The following NRG3 variants were observed in gnomAD, a reference collection of about 807,000 sequenced individuals.
The protein encoded by NRG3 is pro-neuregulin-3, membrane-bound isoform.
In NRG3, 31 loss-of-function variants were observed where a neutral mutation model predicts 66.9. The observed-to-expected ratio is 0.46, with a 90% CI of 0.35 to 0.63. The LOEUF is 0.63. Ranked by LOEUF, NRG3 falls within the 20% of genes least tolerant of loss-of-function variation. NRG3 has a pLI of 0.00. For synonymous variants in NRG3, 393 were observed against 359.4 expected (o/e 1.09, Z -1.06); for missense variants, 910 against 878.9 (o/e 1.04, Z -0.45).
chr10:82,129,843 G>A (rs2068695398), intron 1 of NRG3, among the ~76,000 whole-genome samples: 1 of 152,108 alleles, frequency 6.6e-6, no homozygotes, highest in Non-Finnish European at 1.5e-5. Context: ...TTACAGGTGT[G>A]AGAACCCACG....
Position 82,763,076 on chromosome 10 carries a change from G to T in NRG3, c.1027+24426G>T, listed in dbSNP as rs1008539741. ...TGGTTTTTTGTGACACCTGATTCTT[G>T]CCCAGTGTTTATGGGGTACAGTGAT... On this transcript the variant is annotated intron_variant, in intron 3 of 8. Coordinates refer to ENST00000372141, the MANE Select transcript of NRG3 (RefSeq NM_001010848.4). Among the ~76,000 whole-genome samples the T allele has an allele frequency of 2.6e-5, 4 of 152,128 alleles. No homozygotes were observed. The South Asian group carries it at 8.3e-4, about 31-fold the overall frequency.
intron 3 of NRG3, among the ~76,000 whole-genome samples, chr10:82,748,142 T>C (rs1168815386): frequency 6.6e-6 from 1 of 151,668 alleles, no homozygotes; most frequent in East Asian, 1.9e-4. Context: ...TATTTAGTTT[T>C]AAGAGAATTG....
chr10:82,346,254 A>G (rs1414285920), intron 1 of NRG3, among the ~76,000 whole-genome samples: 1 of 150,422 alleles, frequency 6.6e-6, no homozygotes, highest in African/African-American at 2.5e-5. Flanking sequence ...TATCTAATTT[A>G]TTGAGAGTTT....
chr10:82,392,021 A>AAC (rs2086408050), intron 2 of NRG3, among the ~76,000 whole-genome samples: 9 of 148,980 alleles, frequency 6.0e-5, no homozygotes, highest in East Asian at 2.0e-4. Context: ...CAAAAAAAAA[A>AAC]CCCACGAAAC....
intron 4 of NRG3, among the ~76,000 whole-genome samples, chr10:82,896,689 A>C (rs1843694111): frequency 6.6e-6 from 1 of 152,196 alleles, no homozygotes; most frequent in Non-Finnish European, 1.5e-5. Context: ...AAACAACCTG[A>C]AACTAGATTT....
intron 2 of NRG3, among the ~76,000 whole-genome samples, chr10:82,431,585 T>C (rs1425962629): frequency 6.6e-6 from 1 of 152,168 alleles, no homozygotes; most frequent in East Asian, 1.9e-4. Context: ...TTTTCAAATG[T>C]CCCTATTCCA....
chr10:82,132,544 T>TATCATATATATATCATATATATATG (rs2068999994), intron 1 of NRG3, among the ~76,000 whole-genome samples: 1 of 137,644 alleles, frequency 7.3e-6, no homozygotes, highest in African/African-American at 2.6e-5. Context: ...ATGATATATA[T>TATCATATATATATCATATATATATG]ATATCTTTGT....
rs60885865 is a variant in NRG3, at chr10:82,098,167, CAT to C, written c.823+222016_823+222017del. ...ATATAGATGTCATGTATGTATATGT[CAT>C]ATATATATATAAAGCTCTTATGCAC... On this transcript the variant is annotated intron_variant, in intron 1 of 8. Transcript: ENST00000372141. Among the ~76,000 whole-genome samples the C allele has an allele frequency of 3.5e-4, 53 of 149,796 alleles. No homozygotes were observed. In the East Asian group the frequency reaches 8.9e-3, roughly 25 times the overall value.
intron 2 of NRG3, among the ~76,000 whole-genome samples, chr10:82,691,100 G>A (rs923305455): frequency 4.0e-5 from 6 of 151,796 alleles, no homozygotes; most frequent in Non-Finnish European, 8.8e-5. Flanking sequence ...TCAGAATCCC[G>A]ACGAACAAAA....
chr10:82,246,894 T>C (rs762066659), intron 1 of NRG3, among the ~76,000 whole-genome samples: 37 of 152,114 alleles, frequency 2.4e-4, no homozygotes, highest in Admixed American at 1.1e-3. Flanking sequence ...TTCTCTAATA[T>C]AGGATCACAC....
rs368207083 is a variant in NRG3 at position 82,647,454 on chromosome 10, G to A, written c.954-91123G>A. Among the ~76,000 whole-genome samples, 36 of 152,254 alleles carry A rather than the reference G, an allele frequency of 2.4e-4. No individual in the cohort carries two copies. In the East Asian group the frequency reaches 6.8e-3, roughly 29 times the overall value. ...AGTCTTTGCTATTGTGAATAGAGCTGCAATAAACATACGTGTGCATGTGTC... is the reference window on the plus strand; with the variant it reads ...AGTCTTTGCTATTGTGAATAGAGCTACAATAAACATACGTGTGCATGTGTC... On this transcript the variant is annotated intron_variant, in intron 2 of 8. Coordinates refer to ENST00000372141, the MANE Select transcript of NRG3 (RefSeq NM_001010848.4).
chr10:82,358,023 T>G (rs938670366), intron 1 of NRG3, among the ~76,000 whole-genome samples: 1 of 152,208 alleles, frequency 6.6e-6, no homozygotes, highest in South Asian at 2.1e-4. Context: ...TAGATAGCAC[T>G]TATTTATTGT....
chr10:82,839,110 T>C (rs955631639), intron 3 of NRG3, among the ~76,000 whole-genome samples: 6 of 152,166 alleles, frequency 3.9e-5, no homozygotes, highest in Non-Finnish European at 8.8e-5. Context: ...AAGATGAGAT[T>C]TGGGTGGGGA....
intron 3 of NRG3, among the ~76,000 whole-genome samples, chr10:82,832,818 G>GTGTT (rs1477348313): frequency 2.0e-5 from 3 of 151,864 alleles, no homozygotes; most frequent in Non-Finnish European, 2.9e-5. Context: ...GTGTGTGTGT[G>GTGTT]TGTGTGTGTG....
chr10:82,049,444 T>C (rs1244676115), intron 1 of NRG3, among the ~76,000 whole-genome samples: 3 of 152,048 alleles, frequency 2.0e-5, no homozygotes, highest in African/African-American at 7.2e-5. Context: ...AGTTAGAGCT[T>C]CCTTAAATCC....
chr10:82,768,815 C>T (rs1230956119), intron 3 of NRG3, among the ~76,000 whole-genome samples: 3 of 151,994 alleles, frequency 2.0e-5, no homozygotes, highest in Non-Finnish European at 4.4e-5. Flanking sequence ...ACAGAAAATC[C>T]ATGTCACAGT....
At chr10:82,254,418 C>T (rs1309661729) in intron 1 of NRG3, among the ~76,000 whole-genome samples, 2 of 152,152 alleles carry the variant, frequency 1.3e-5, no homozygotes, top group Admixed American at 6.5e-5. Context: ...TGGGTGGAAT[C>T]CACACTTTGG....
At chr10:82,023,427 C>T (rs948769486) in intron 1 of NRG3, among the ~76,000 whole-genome samples, 1 of 151,988 alleles carries the variant, frequency 6.6e-6, no homozygotes, top group Non-Finnish European at 1.5e-5. Context: ...GTATCCTTGT[C>T]TTGTTCCAGA....
At chr10:82,574,422 T>C (rs1170163822) in intron 2 of NRG3, among the ~76,000 whole-genome samples, 1 of 151,770 alleles carries the variant, frequency 6.6e-6, no homozygotes, top group Non-Finnish European at 1.5e-5. Flanking sequence ...GTTTAATGGG[T>C]ACAAACATAC....
Sources: gnomAD v4.1 joint callset for allele counts (sites outside exome capture counted in the v4.1 genomes callset) on GRCh38, gnomAD v4.1.1 for gene constraint, MANE v1.5 for transcripts, NCBI Gene and HGNC (gene_info 2026-07-23, HGNC 2026-07-21) for gene names.